Variants in CSMD1 observed in about 807,000 individuals in gnomAD.
CSMD1 encodes the protein CUB and sushi domain-containing protein 1.
CSMD1 carries 213 observed loss-of-function variants against 417.5 expected under a neutral mutation model. The observed-to-expected ratio is 0.51, with a 90% confidence interval of 0.46 to 0.57. CSMD1 has a LOEUF of 0.57. Among genes scored for constraint, CSMD1 ranks in the 20% least tolerant of loss-of-function variants. The probability of loss-of-function intolerance (pLI) is 0.00; values close to 1 mark genes in which losing one functional copy is unlikely to be tolerated. For synonymous variants in CSMD1, 2,862 were observed against 1,736.8 expected (o/e 1.65, Z -16.11); for missense variants, 6,923 against 4,529.7 (o/e 1.53, Z -15.17).
intron 1 of CSMD1, among the ~76,000 whole-genome samples, chr8:4,878,960 G>A (rs1190152612): frequency 6.6e-6 from 1 of 151,916 alleles, no homozygotes; most frequent in Non-Finnish European, 1.5e-5. Flanking sequence ...CCAAGGCACA[G>A]TGAGAAGCAG....
At chr8:3,553,419 C>T (rs921285727) in intron 10 of CSMD1, among the ~76,000 whole-genome samples, 1 of 152,152 alleles carries the variant, frequency 6.6e-6, no homozygotes, top group Admixed American at 6.5e-5. Flanking sequence ...GATTCATGAT[C>T]TCATCCTATG....
rs1188108776 is a variant in CSMD1 at position 4,216,813 on chromosome 8, CACAAGAAAGAGGTAA to C, written c.416-184729_416-184715del. On this transcript the variant is annotated intron_variant, in intron 3 of 69. Transcript: ENST00000635120. ...GATGAAATTACACACAGAATTCCAA[CACAAGAAAGAGGTAA>C]ACATGAGGATGGGGTGTCAGACCCA... is the stretch of plus-strand genomic sequence containing the variant. Among the ~76,000 whole-genome samples the C allele has an allele frequency of 3.3e-5, 5 of 152,244 alleles. No individual in the cohort carries two copies. The South Asian group carries it at 1.0e-3, about 32-fold the overall frequency.
At chr8:3,466,804 T>C (rs940130219) in intron 12 of CSMD1, among the ~76,000 whole-genome samples, 8 of 152,142 alleles carry the variant, frequency 5.3e-5, no homozygotes, top group Non-Finnish European at 8.8e-5. Context: ...CGCATAAAGG[T>C]CACTTTTATA....
intron 18 of CSMD1, among the ~76,000 whole-genome samples, chr8:3,370,988 G>A (rs1475194524): frequency 6.6e-6 from 1 of 151,664 alleles, no homozygotes; most frequent in Non-Finnish European, 1.5e-5. Context: ...AAAAAAAAAG[G>A]CAGAGTAAAG....
chr8:3,024,357 T>C lies in CSMD1; in HGVS notation c.7855+4962A>G, dbSNP rs554685511. Among the ~76,000 whole-genome samples, 381 of 151,826 alleles carry C rather than the reference T, an allele frequency of 2.5e-3. 1 individual carries two copies. The highest frequency in any genetic ancestry group is 8.6e-3 in the African/African-American group (357 of 41,324). Reference sequence around the variant, plus strand: ...GTATTGCTCTGTCGCCCAGGCTAGATTGCAGTGATGGGACCTCAGCTCGCG... The same window carrying C: ...GTATTGCTCTGTCGCCCAGGCTAGACTGCAGTGATGGGACCTCAGCTCGCG... On this transcript the variant is annotated intron_variant, in intron 51 of 69. Transcript: ENST00000635120.
Position 3,772,189 on chromosome 8 carries a change from T to TATATATATATATATAC in CSMD1, c.819-18148_819-18147insGTATATATATATATAT, listed in dbSNP as rs1377304281. On this transcript the variant is annotated intron_variant, in intron 5 of 69. Coordinates refer to ENST00000635120, the MANE Select transcript of CSMD1 (RefSeq NM_033225.6). ...CAACATATATATATATATATATATA[T>TATATATATATATATAC]ACACACACACACACACACACACACA... Among the ~76,000 whole-genome samples the TATATATATATATATAC allele has an allele frequency of 2.0e-5, 2 of 100,922 alleles. 1 individual carries two copies. Among genetic ancestry groups the TATATATATATATATAC allele is most frequent in the African/African-American group, 8.2e-5 (2 of 24,266 alleles). The allele number at this position is 100,922 out of a possible 152,430, so 66.2% of individuals were successfully genotyped here. A position where few individuals can be genotyped will look rare whatever the true frequency, so the allele number is the denominator to read the frequency against.
chr8:4,567,920 T>A (rs529124008), intron 2 of CSMD1, among the ~76,000 whole-genome samples: 1 of 152,206 alleles, frequency 6.6e-6, no homozygotes, highest in Admixed American at 6.5e-5. Context: ...ATCAATGACC[T>A]GAAATTGCAC....
chr8:3,414,967 T>G (rs1259877147), intron 12 of CSMD1, among the ~76,000 whole-genome samples: 2 of 152,354 alleles, frequency 1.3e-5, no homozygotes, highest in East Asian at 3.9e-4. Flanking sequence ...GTACTTTTTG[T>G]GCTTTACTGT....
Position 4,780,945 on chromosome 8 carries a change from G to A in CSMD1, c.86-143387C>T, listed in dbSNP as rs142338329. ...TTTTAAAAGCATAAGTCTTTATAAG[G>A]CTCAAGCAATGACCTGTTTTTGTCA... On this transcript the variant is annotated intron_variant, in intron 1 of 69. Coordinates refer to ENST00000635120, the MANE Select transcript of CSMD1 (RefSeq NM_033225.6). 2.5e-4 allele frequency among the ~76,000 whole-genome samples: 38 copies of A among 152,210 alleles called. No homozygotes were observed. The East Asian group carries it at 3.3e-3, about 13-fold the overall frequency.
intron 2 of CSMD1, among the ~76,000 whole-genome samples, chr8:4,424,801 T>C (rs553923515): frequency 2.6e-5 from 4 of 152,118 alleles, no homozygotes; most frequent in Admixed American, 6.6e-5. Context: ...GTAATTATTA[T>C]ACCATAGTTT....
intron 2 of CSMD1, among the ~76,000 whole-genome samples, chr8:4,574,010 C>G (rs988656748): frequency 7.2e-5 from 11 of 152,200 alleles, no homozygotes; most frequent in Non-Finnish European, 1.6e-4. Context: ...CTTCAGACTG[C>G]TGTGCTGGCA....
intron 3 of CSMD1, among the ~76,000 whole-genome samples, chr8:4,153,533 G>A (rs760718624): frequency 9.9e-5 from 15 of 152,200 alleles, no homozygotes; most frequent in Non-Finnish European, 2.1e-4. Flanking sequence ...GCACCAGCTG[G>A]TCCCTCGTCA....
intron 50 of CSMD1, among the ~76,000 whole-genome samples, chr8:3,032,771 C>T (rs951602440): frequency 3.9e-5 from 6 of 152,132 alleles, no homozygotes; most frequent in African/African-American, 1.4e-4. Context: ...GCATCCTCAA[C>T]CTCTACCTTA....
At chr8:4,725,214 G>A (rs1479632871) in intron 1 of CSMD1, among the ~76,000 whole-genome samples, 1 of 152,128 alleles carries the variant, frequency 6.6e-6, no homozygotes, top group East Asian at 1.9e-4. Flanking sequence ...TTAAATTTAA[G>A]TCTTATTGCA....
At chr8:3,073,571 T>G (rs1563308442) in intron 49 of CSMD1, among the ~76,000 whole-genome samples, 2 of 152,022 alleles carry the variant, frequency 1.3e-5, no homozygotes, top group African/African-American at 4.8e-5. Context: ...TTTAGAAAAA[T>G]AAATCAATTT....
At chr8:4,421,363 C>T (rs1797240100) in intron 2 of CSMD1, among the ~76,000 whole-genome samples, 6 of 152,148 alleles carry the variant, frequency 3.9e-5, no homozygotes. Context: ...ACACTTTACC[C>T]AGCAAGAACA....
intron 2 of CSMD1, among the ~76,000 whole-genome samples, chr8:4,580,244 C>T (rs938396470): frequency 2.0e-5 from 3 of 152,178 alleles, no homozygotes; most frequent in African/African-American, 4.8e-5. Flanking sequence ...TGCCTTAACA[C>T]GCCCTCTGCT....
chr8:3,697,234 G>C (rs1488699883), intron 7 of CSMD1, among the ~76,000 whole-genome samples: 1 of 152,148 alleles, frequency 6.6e-6, no homozygotes, highest in Non-Finnish European at 1.5e-5. Context: ...ATGGTAGTCA[G>C]TTTCAGTTTC....
chr8:3,946,907 C>A (rs1811267602), intron 5 of CSMD1, among the ~76,000 whole-genome samples: 1 of 152,174 alleles, frequency 6.6e-6, no homozygotes, highest in Admixed American at 6.5e-5. Flanking sequence ...AACCATGCAA[C>A]AGTGCCACCT....
Sources: allele counts gnomAD v4.1 joint callset (sites outside exome capture counted in the v4.1 genomes callset), GRCh38; gene constraint gnomAD v4.1.1; transcripts MANE v1.5; gene names NCBI Gene and HGNC (gene_info 2026-07-23, HGNC 2026-07-21).